ENAH: variants seen among roughly 807,000 people sequenced by gnomAD.
The protein encoded by ENAH is ENAH actin regulator, also known as protein enabled homolog.
A neutral mutation model predicts 78.7 loss-of-function variants in ENAH; 23 were observed. The ratio of observed to expected loss-of-function variants is 0.29; its 90% CI spans 0.21 to 0.41. ENAH has a LOEUF of 0.41. Ranked by LOEUF, ENAH falls within the 10% of genes least tolerant of loss-of-function variation. The pLI is 1.00. For synonymous variants in ENAH, 226 were observed against 241.0 expected (o/e 0.94, Z 0.58); for missense variants, 544 against 691.0 (o/e 0.79, Z 2.39).
At chr1:225,535,453 G>GC (rs1313170854) in intron 3 of ENAH, 34 of 1,152,620 alleles carry the variant, frequency 2.9e-5, no homozygotes, top group Admixed American at 2.2e-4. Flanking sequence ...ATGGAAATGC[G>GC]CAAGTAGCAT....
chr1:225,624,477 A>C (rs2148290740), intron 1 of ENAH, among the ~76,000 whole-genome samples: 1 of 152,098 alleles, frequency 6.6e-6, no homozygotes, highest in South Asian at 2.1e-4. Context: ...TATAAGAATT[A>C]GCTGGGTGGG....
chr1:225,645,147 T>C (rs186755146), intron 1 of ENAH, among the ~76,000 whole-genome samples: 111 of 152,320 alleles, frequency 7.3e-4, no homozygotes, highest in African/African-American at 2.7e-3. Flanking sequence ...CTCTCTTCTT[T>C]AAATAGCACG....
rs532896527 is a variant in ENAH, at chr1:225,492,800, T to A, written c.*4975A>T. The A allele has an allele frequency of 1.3e-5, 2 of 152,328 alleles. No homozygotes were observed. Among genetic ancestry groups the A allele is most frequent in the East Asian group, 3.9e-4 (2 of 5,190 alleles). 9.4% of individuals were successfully genotyped at this position (152,328 alleles called of 1,614,324 possible). A position where few individuals can be genotyped will look rare whatever the true frequency, so the allele number is the denominator to read the frequency against. ...CGATTCCTTCAGATTTCAACAGAAA[T>A]AACCAATAAATGTGGCAGACATTCT... On this transcript the variant is annotated 3_prime_UTR_variant, in exon 14 of 14. Coordinates refer to ENST00000366843, the MANE Select transcript of ENAH (RefSeq NM_018212.6).
chr1:225,596,526 G>A (rs2096902722), intron 1 of ENAH, among the ~76,000 whole-genome samples: 1 of 151,984 alleles, frequency 6.6e-6, no homozygotes, highest in Admixed American at 6.6e-5. Flanking sequence ...GAAGGAGGAA[G>A]GGAAAAAAAC....
intron 4 of ENAH, among the ~76,000 whole-genome samples, chr1:225,520,940 G>C (rs1288128696): frequency 2.2e-5 from 1 of 45,334 alleles, no homozygotes; most frequent in South Asian, 1.1e-3. Flanking sequence ...GAGGGAGGGA[G>C]GGAGGGAGGG....
At chr1:225,591,790 A>AAAAAAAAAAAAAAAAAAAAAAAAAAAGG (rs1558871378) in intron 1 of ENAH, among the ~76,000 whole-genome samples, 1 of 147,138 alleles carries the variant, frequency 6.8e-6, no homozygotes, top group African/African-American at 2.5e-5. Context: ...AAAAAAAAAA[A>AAAAAAAAAAAAAAAAAAAAAAAAAAAGG]GGGCTTCAAA....
Position 225,501,738 on chromosome 1 carries a change from T to C in ENAH, c.1539-668A>G, listed in dbSNP as rs573562132. On this transcript the variant is annotated intron_variant, in intron 11 of 13. Transcript: ENST00000366843. ...GTGTGTTTCAGGCTAACTACTTCCA[T>C]AAATTTATTTTATTAAATAAAAAGG... is the stretch of plus-strand genomic sequence containing the variant. 1.2e-4 allele frequency among the ~76,000 whole-genome samples: 18 copies of C among 152,336 alleles called. No individual in the cohort carries two copies. The South Asian group carries it at 3.5e-3, about 30-fold the overall frequency.
At chr1:225,545,568 A>C (rs1215016960) in intron 3 of ENAH, among the ~76,000 whole-genome samples, 1 of 152,236 alleles carries the variant, frequency 6.6e-6, no homozygotes, top group Admixed American at 6.5e-5. Context: ...CAAAAATATT[A>C]AGTGATTAGA....
intron 1 of ENAH, among the ~76,000 whole-genome samples, chr1:225,591,195 G>A (rs1345011451): frequency 1.3e-5 from 2 of 152,194 alleles, no homozygotes; most frequent in African/African-American, 2.4e-5. Context: ...CAGGCCAGGC[G>A]CGGTGGCTCA....
chr1:225,639,786 A>G (rs76799839), intron 1 of ENAH, among the ~76,000 whole-genome samples: 2 of 151,496 alleles, frequency 1.3e-5, no homozygotes, highest in African/African-American at 4.9e-5. Context: ...CTGGGTCTCA[A>G]TGTGAATCCT....
At chr1:225,593,543 G>T (rs1027774922) in intron 1 of ENAH, among the ~76,000 whole-genome samples, 19 of 152,032 alleles carry the variant, frequency 1.2e-4, no homozygotes, top group African/African-American at 2.9e-4. Flanking sequence ...AGTATAGAAT[G>T]CAGTGTCACG....
intron 3 of ENAH, chr1:225,535,535 G>A: frequency 7.7e-7 from 1 of 1,303,986 alleles, no homozygotes; most frequent in Non-Finnish European, 1.0e-6. Context: ...AATTAGTGCT[G>A]TCCTGGGTAG....
intron 7 of ENAH, among the ~76,000 whole-genome samples, chr1:225,513,396 T>C (rs2096391625): frequency 6.6e-6 from 1 of 152,176 alleles, no homozygotes; most frequent in South Asian, 2.1e-4. Context: ...TCTTCAAAAA[T>C]GCCAGTATTA....
chr1:225,623,762 T>A (rs901537518), intron 1 of ENAH, among the ~76,000 whole-genome samples: 1 of 152,080 alleles, frequency 6.6e-6, no homozygotes, highest in African/African-American at 2.4e-5. Context: ...ATTTTTTTCT[T>A]GTATTTTTAG....
chr1:225,572,410 A>T (rs948473850), intron 1 of ENAH, among the ~76,000 whole-genome samples: 1 of 152,196 alleles, frequency 6.6e-6, no homozygotes, highest in African/African-American at 2.4e-5. Flanking sequence ...TAACTTATTT[A>T]AAATGATATT....
chr1:225,563,023 T>A (rs1211463135), intron 2 of ENAH, among the ~76,000 whole-genome samples: 2 of 152,036 alleles, frequency 1.3e-5, no homozygotes, highest in African/African-American at 4.8e-5. Context: ...ACCAATTATT[T>A]ATTAGATTTA....
intron 2 of ENAH, among the ~76,000 whole-genome samples, chr1:225,563,952 T>C (rs1244510013): frequency 1.3e-5 from 2 of 152,232 alleles, no homozygotes; most frequent in African/African-American, 4.8e-5. Flanking sequence ...GTTTTCCTAC[T>C]CTTCAGTTTT....
At chr1:225,535,106 T>C (rs2096555445) in intron 3 of ENAH, among the ~76,000 whole-genome samples, 1 of 152,130 alleles carries the variant, frequency 6.6e-6, no homozygotes, top group South Asian at 2.1e-4. Flanking sequence ...TAAGCAAAAG[T>C]TTCCTTTGCA....
At chr1:225,577,912 G>A (rs2096796085) in intron 1 of ENAH, among the ~76,000 whole-genome samples, 1 of 152,124 alleles carries the variant, frequency 6.6e-6, no homozygotes, top group Admixed American at 6.5e-5. Flanking sequence ...AATCTTTTTA[G>A]GGAGTAATCT....
Sources: gnomAD v4.1 joint callset for allele counts (sites outside exome capture counted in the v4.1 genomes callset) on GRCh38, gnomAD v4.1.1 for gene constraint, MANE v1.5 for transcripts, NCBI Gene and HGNC (gene_info 2026-07-23, HGNC 2026-07-21) for gene names.